Variants in EFCAB11 observed in about 807,000 individuals in gnomAD.
EFCAB11 encodes the protein EF-hand calcium binding domain 11.
A neutral mutation model predicts 23.0 loss-of-function variants in EFCAB11; 14 were observed. The observed-to-expected ratio is 0.61, with a 90% CI of 0.40 to 0.95. EFCAB11 has a LOEUF of 0.95. Ranked by LOEUF, EFCAB11 falls within the 40% of genes least tolerant of loss-of-function variation. The probability of loss-of-function intolerance (pLI) is 0.00; values close to 1 mark genes in which losing one functional copy is unlikely to be tolerated. For missense variants in EFCAB11, 198 were observed against 195.8 expected, an observed-to-expected ratio of 1.01 and a Z score of -0.07; for synonymous variants, 65 against 66.6, an observed-to-expected ratio of 0.98 and a Z score of 0.11.
At chr14:89,926,059 A>T (rs1319565840) in intron 5 of EFCAB11, among the ~76,000 whole-genome samples, 3 of 151,750 alleles carry the variant, frequency 2.0e-5, no homozygotes, top group African/African-American at 7.3e-5. Context: ...CAAGTGACCC[A>T]CTCGTCTCGG....
intron 5 of EFCAB11, among the ~76,000 whole-genome samples, chr14:89,896,676 T>A (rs1838249733): frequency 6.6e-6 from 1 of 152,122 alleles, no homozygotes; most frequent in Non-Finnish European, 1.5e-5. Context: ...GGTAAATCCA[T>A]ACAATGGAAT....
At chr14:89,888,471 G>A (rs1415890632) in intron 5 of EFCAB11, among the ~76,000 whole-genome samples, 2 of 152,226 alleles carry the variant, frequency 1.3e-5, no homozygotes, top group East Asian at 3.8e-4. Flanking sequence ...GCAGGAGCAG[G>A]CATGTCACAT....
At chr14:89,948,005 G>T (rs1230124213) in intron 3 of EFCAB11, among the ~76,000 whole-genome samples, 1 of 119,484 alleles carries the variant, frequency 8.4e-6, no homozygotes. Context: ...CCACCCCACC[G>T]CCCCACCCGT....
intron 5 of EFCAB11, among the ~76,000 whole-genome samples, chr14:89,819,213 C>G (rs1886428720): frequency 6.6e-6 from 1 of 152,068 alleles, no homozygotes; most frequent in Non-Finnish European, 1.5e-5. Context: ...GGATAAATCT[C>G]AAAATAATTA....
chr14:89,901,197 G>C (rs977085212), intron 5 of EFCAB11, among the ~76,000 whole-genome samples: 1 of 152,114 alleles, frequency 6.6e-6, no homozygotes, highest in Non-Finnish European at 1.5e-5. Flanking sequence ...ACACTTCTTG[G>C]TGTGATGCAT....
rs769741694 is a variant in EFCAB11 at position 89,931,559 on chromosome 14, G to A, written c.392C>T (p.Thr131Ile). ...GCCTTACCTGAATACCTCAAGAACAGTCCTTTCCGGTAATTTGGGAGCCAC... is the reference window on the plus strand; with the variant it reads ...GCCTTACCTGAATACCTCAAGAACAATCCTTTCCGGTAATTTGGGAGCCAC... ...RQVAPKLPER[T>I]VLEVFREVDR... Residue 131 changes from threonine (T) to isoleucine (I), a missense_variant, in exon 5 of 6, where the codon ACT (threonine) becomes ATT (isoleucine). Physicochemically the swap from Thr to Ile is moderately conservative, Grantham distance 89. Coordinates refer to ENST00000316738, the MANE Select transcript of EFCAB11 (RefSeq NM_145231.4). The A allele has an allele frequency of 2.0e-5, 32 of 1,614,020 alleles. No homozygotes were observed. The East Asian group carries it at 7.1e-4, about 36-fold the overall frequency.
intron 5 of EFCAB11, among the ~76,000 whole-genome samples, chr14:89,812,613 T>G (rs1171231800): frequency 6.6e-6 from 1 of 152,290 alleles, no homozygotes; most frequent in East Asian, 1.9e-4. Flanking sequence ...AGGATAAATG[T>G]CCTGGAAAGG....
At position 89,954,617 on chromosome 14, in the gene EFCAB11, G is replaced by A. The variant is rs35435801; in HGVS notation, c.44C>T (p.Ala15Val). 11,626 of 1,613,572 alleles carry A rather than the reference G, an allele frequency of 7.2e-3. 715 individuals carry two copies. The African/African-American group carries it at 0.13, about 18-fold the overall frequency. Residue 15 changes from alanine to valine, a missense_variant, in exon 1 of 6, where the codon GCC (alanine) becomes GTC (valine). Transcript: ENST00000316738. Reference protein sequence around the residue: ...EARARSRTWEASPSEHRKWVE... With the variant: ...EARARSRTWEVSPSEHRKWVE... ...CCACTTCCTGTGTTCCGAGGGACTGGCTTCCCACGTCCGCGACCTGGCTCT... is the reference window on the plus strand; with the variant it reads ...CCACTTCCTGTGTTCCGAGGGACTGACTTCCCACGTCCGCGACCTGGCTCT...
At chr14:89,798,605 C>A (rs1028732473) in intron 5 of EFCAB11, among the ~76,000 whole-genome samples, 3 of 152,136 alleles carry the variant, frequency 2.0e-5, no homozygotes, top group Non-Finnish European at 4.4e-5. Flanking sequence ...TATGGTTGAA[C>A]TATAAATCTC....
At chr14:89,848,544 T>A (rs1268717927) in intron 5 of EFCAB11, 1 of 152,222 alleles carries the variant, frequency 6.6e-6, no homozygotes, top group Non-Finnish European at 1.5e-5. Context: ...CAAATCCTCT[T>A]AATTTGGGTA....
chr14:89,834,155 C>A (rs1303983070), intron 5 of EFCAB11, among the ~76,000 whole-genome samples: 1 of 150,826 alleles, frequency 6.6e-6, no homozygotes, highest in South Asian at 2.1e-4. Flanking sequence ...GAGATAGAGA[C>A]CACAAGGTCA....
At chr14:89,908,005 T>A (rs1889550885) in intron 5 of EFCAB11, among the ~76,000 whole-genome samples, 1 of 152,210 alleles carries the variant, frequency 6.6e-6, no homozygotes, top group Non-Finnish European at 1.5e-5. Context: ...GCTAGCTATT[T>A]TTATCACTCC....
intron 5 of EFCAB11, among the ~76,000 whole-genome samples, chr14:89,838,792 C>G (rs1224096675): frequency 6.6e-6 from 1 of 152,106 alleles, no homozygotes; most frequent in East Asian, 1.9e-4. Flanking sequence ...TTTCTACTAC[C>G]CAACATTATA....
At chr14:89,944,052 G>T (rs932887175) in intron 3 of EFCAB11, among the ~76,000 whole-genome samples, 4 of 152,220 alleles carry the variant, frequency 2.6e-5, no homozygotes, top group African/African-American at 9.7e-5. Context: ...AATGCCTTCA[G>T]CAATAGTCAC....
At chr14:89,813,959 T>G (rs1886238844) in intron 5 of EFCAB11, among the ~76,000 whole-genome samples, 1 of 152,176 alleles carries the variant, frequency 6.6e-6, no homozygotes, top group Non-Finnish European at 1.5e-5. Flanking sequence ...ATTCCTCGGC[T>G]GCTGCTCTCT....
At chr14:89,947,299 C>T (rs1292056638) in intron 3 of EFCAB11, among the ~76,000 whole-genome samples, 1 of 152,154 alleles carries the variant, frequency 6.6e-6, no homozygotes. Flanking sequence ...TCCCCTTACA[C>T]AATAGGTCTC....
chr14:89,934,125 TTTTA>T (rs1294311780), intron 3 of EFCAB11, among the ~76,000 whole-genome samples: 1 of 152,022 alleles, frequency 6.6e-6, no homozygotes, highest in Non-Finnish European at 1.5e-5. Context: ...ATAATTTGGG[TTTTA>T]TTTAAGTGGC....
intron 5 of EFCAB11, among the ~76,000 whole-genome samples, chr14:89,825,620 T>A (rs1889097799): frequency 2.0e-5 from 3 of 152,140 alleles, no homozygotes; most frequent in Admixed American, 6.6e-5. Context: ...ACAAATCACC[T>A]ATATCACAAC....
chr14:89,900,045 C>T (rs1179163617), intron 5 of EFCAB11, among the ~76,000 whole-genome samples: 1 of 152,110 alleles, frequency 6.6e-6, no homozygotes, highest in African/African-American at 2.4e-5. Flanking sequence ...ATCTATTACT[C>T]TCTTGCACTT....
Sources: gnomAD v4.1 joint callset for allele counts (sites outside exome capture counted in the v4.1 genomes callset) on GRCh38, gnomAD v4.1.1 for gene constraint, MANE v1.5 for transcripts, NCBI Gene and HGNC (gene_info 2026-07-23, HGNC 2026-07-21) for gene names.